FGGY: variants seen among roughly 807,000 people sequenced by gnomAD.
FGGY encodes FGGY carbohydrate kinase domain containing, also known as FGGY carbohydrate kinase domain-containing protein.
A neutral mutation model predicts 71.3 loss-of-function variants in FGGY; 72 were observed. The observed-to-expected ratio is 1.01, with a 90% CI of 0.84 to 1.23. The LOEUF is 1.23. Ranked by LOEUF, FGGY falls within the 50% of genes most tolerant of loss-of-function variation. The probability of loss-of-function intolerance (pLI) is 0.00; values close to 1 mark genes in which losing one functional copy is unlikely to be tolerated. For missense variants in FGGY, 668 were observed against 682.3 expected, an observed-to-expected ratio of 0.98 and a Z score of 0.23; for synonymous variants, 251 against 250.3, an observed-to-expected ratio of 1.00 and a Z score of -0.02.
chr1:59,592,448 G>T (rs550587570), intron 8 of FGGY, among the ~76,000 whole-genome samples: 2 of 152,120 alleles, frequency 1.3e-5, no homozygotes, highest in Non-Finnish European at 2.9e-5. Context: ...TATACCCAAA[G>T]GACTATAAAT....
intron 2 of FGGY, among the ~76,000 whole-genome samples, chr1:59,332,210 C>T (rs573234063): frequency 9.2e-5 from 14 of 152,210 alleles, no homozygotes; most frequent in Admixed American, 4.6e-4. Context: ...CCCATAGCTA[C>T]GAGTTGACAG....
intron 14 of FGGY, among the ~76,000 whole-genome samples, chr1:59,704,522 A>G (rs1047151740): frequency 2.6e-5 from 4 of 152,158 alleles, no homozygotes; most frequent in African/African-American, 9.7e-5. Context: ...AGATTGTATA[A>G]TAGAATACTA....
At position 59,762,553 on chromosome 1, in the gene FGGY, A is replaced by T. The variant is rs770526828; in HGVS notation, c.1625A>T (p.Lys542Met). The T allele has an allele frequency of 6.2e-7, 1 of 1,613,986 alleles. No individual in the cohort carries two copies. The highest frequency in any genetic ancestry group is 1.3e-5 in the African/African-American group (1 of 75,062). Residue 542 changes from lysine to methionine, a missense_variant, in exon 16 of 16, where the codon AAG (lysine) becomes ATG (methionine). Around this residue, in one of 2 missense-constraint regions of FGGY, gnomAD observed 661 missense variants for 661.6 expected, o/e 1.00. Transcript: ENST00000303721. Reference protein sequence around the residue: ...QVFLKLVEHQKEYLAIMNDD With the variant: ...QVFLKLVEHQMEYLAIMNDD ...TTCCTGAAGCTGGTTGAACACCAGA[A>T]GGAGTATTTGGCGATCATGAATGAT...
intron 14 of FGGY, among the ~76,000 whole-genome samples, chr1:59,701,346 C>T (rs1483573737): frequency 6.6e-6 from 1 of 152,134 alleles, no homozygotes; most frequent in Non-Finnish European, 1.5e-5. Context: ...TTTTTTATGT[C>T]TGCCTCTCCA....
intron 7 of FGGY, among the ~76,000 whole-genome samples, chr1:59,532,056 A>G (rs1039237639): frequency 6.6e-6 from 1 of 152,232 alleles, no homozygotes; most frequent in Non-Finnish European, 1.5e-5. Context: ...AGCCACAGAA[A>G]AGTCCATATG....
At chr1:59,331,281 T>C (rs551349481) in intron 2 of FGGY, among the ~76,000 whole-genome samples, 1 of 152,272 alleles carries the variant, frequency 6.6e-6, no homozygotes, top group African/African-American at 2.4e-5. Flanking sequence ...TATCATCAAA[T>C]GGCAATACCA....
chr1:59,425,106 G>A (rs1203902162), intron 5 of FGGY, among the ~76,000 whole-genome samples: 1 of 152,134 alleles, frequency 6.6e-6, no homozygotes, highest in African/African-American at 2.4e-5. Context: ...ATGCTTGTGA[G>A]CCGTAAAAGC....
chr1:59,666,384 T>G (rs563156426), intron 12 of FGGY, among the ~76,000 whole-genome samples: 2 of 152,320 alleles, frequency 1.3e-5, no homozygotes, highest in East Asian at 3.9e-4. Flanking sequence ...ACAGTTCATC[T>G]TTTTGTTTTT....
At chr1:59,411,124 T>C (rs1358088941) in intron 5 of FGGY, among the ~76,000 whole-genome samples, 1 of 152,224 alleles carries the variant, frequency 6.6e-6, no homozygotes, top group African/African-American at 2.4e-5. Flanking sequence ...ACACAATACA[T>C]TTACTAGTCA....
chr1:59,382,630 A>G (rs1365192240), intron 5 of FGGY, among the ~76,000 whole-genome samples: 2 of 152,124 alleles, frequency 1.3e-5, no homozygotes, highest in African/African-American at 4.8e-5. Context: ...TTCTGAGAGA[A>G]TCTTTCTCTA....
At chr1:59,445,976 T>A (rs751239166) in intron 5 of FGGY, among the ~76,000 whole-genome samples, 5 of 152,204 alleles carry the variant, frequency 3.3e-5, no homozygotes, top group Admixed American at 6.5e-5. Flanking sequence ...TGAGCCTCAG[T>A]ATTCTCTTCT....
chr1:59,309,802 C>T lies in FGGY; in HGVS notation c.-14-11734C>T, dbSNP rs143840821. ...ACCATTCTGAGCAACATGGCAAAAC[C>T]CTGTCTCTACTAAAAATACAAAAAC... On this transcript the variant is annotated intron_variant, in intron 1 of 15. Coordinates refer to ENST00000303721, the MANE Select transcript of FGGY (RefSeq NM_018291.5). Among the ~76,000 whole-genome samples, 217 of 152,028 alleles carry T rather than the reference C, an allele frequency of 1.4e-3. 1 individual carries two copies. In the East Asian group the frequency reaches 0.023, roughly 16 times the overall value.
At chr1:59,305,804 C>T (rs888046114) in intron 1 of FGGY, among the ~76,000 whole-genome samples, 14 of 152,294 alleles carry the variant, frequency 9.2e-5, no homozygotes, top group African/African-American at 3.4e-4. Flanking sequence ...ATTGTTTTCA[C>T]ATATAGATGC....
At chr1:59,600,723 T>G (rs1571936184) in intron 8 of FGGY, among the ~76,000 whole-genome samples, 1 of 152,306 alleles carries the variant, frequency 6.6e-6, no homozygotes, top group East Asian at 1.9e-4. Flanking sequence ...GCTCTGTGGT[T>G]AATGAGATGA....
At chr1:59,660,135 T>C in intron 11 of FGGY, 84 bp from the exon 12 acceptor site, 6 of 1,242,504 alleles carry the variant, frequency 4.8e-6, no homozygotes, top group Non-Finnish European at 5.9e-6. Context: ...AGAAAACACA[T>C]CTGAACGTAT....
chr1:59,760,771 A>C (rs1316554712), intron 15 of FGGY, among the ~76,000 whole-genome samples: 2 of 152,244 alleles, frequency 1.3e-5, no homozygotes, highest in East Asian at 3.8e-4. Flanking sequence ...TGTCAGTATT[A>C]ACATTGTAAA....
At chr1:59,380,126 C>A (rs541819600) in intron 5 of FGGY, among the ~76,000 whole-genome samples, 2 of 147,670 alleles carry the variant, frequency 1.4e-5, no homozygotes, top group East Asian at 3.9e-4. Context: ...GACATGAACT[C>A]ATCCTTTCTT....
chr1:59,697,663 G>A (rs1031139791), intron 14 of FGGY: 64 of 1,303,796 alleles, frequency 4.9e-5, no homozygotes, highest in Non-Finnish European at 6.5e-5. Context: ...GAAATAGATA[G>A]CTCAGTTGTG....
At position 59,660,302 on chromosome 1, in the gene FGGY, C is replaced by T; in HGVS notation, c.1296+9C>T. ...CAGTTCAAGCCATTGCTGTAAGATACTGTAATGCCATTTTTAAAGAGACTT... is the reference window on the plus strand; with the variant it reads ...CAGTTCAAGCCATTGCTGTAAGATATTGTAATGCCATTTTTAAAGAGACTT... On this transcript the variant is annotated intron_variant, in intron 12 of 15. Coordinates refer to ENST00000303721, the MANE Select transcript of FGGY (RefSeq NM_018291.5). 6.2e-7 allele frequency: 1 copy of T among 1,610,620 alleles called. No individual in the cohort carries two copies. The highest frequency in any genetic ancestry group is 8.5e-7 in the Non-Finnish European group (1 of 1,178,438).
Sources: allele counts gnomAD v4.1 joint callset (sites outside exome capture counted in the v4.1 genomes callset), GRCh38; gene constraint gnomAD v4.1.1; regional missense constraint gnomAD v4.1.1; transcripts MANE v1.5; gene names NCBI Gene and HGNC (gene_info 2026-07-23, HGNC 2026-07-21).